The following CWC27 variants were observed in gnomAD, a reference collection of about 807,000 sequenced individuals.
The protein encoded by CWC27 is CWC27 spliceosome associated cyclophilin.
In CWC27, 47 loss-of-function variants were observed where a neutral mutation model predicts 63.6. The ratio of observed to expected loss-of-function variants is 0.74; its 90% confidence interval spans 0.58 to 0.94. CWC27 has a LOEUF of 0.94. Ranked by LOEUF, CWC27 falls within the 40% of genes least tolerant of loss-of-function variation. CWC27 has a pLI of 0.00. For synonymous variants in CWC27, 175 were observed against 179.8 expected (o/e 0.97, Z 0.22); for missense variants, 495 against 554.3 (o/e 0.89, Z 1.07).
chr5:64,770,932 C>A (rs1743230578), intron 1 of CWC27, among the ~76,000 whole-genome samples: 1 of 152,112 alleles, frequency 6.6e-6, no homozygotes, highest in Non-Finnish European at 1.5e-5. Context: ...AATGATTGAG[C>A]AAATCAATTG....
intron 10 of CWC27, among the ~76,000 whole-genome samples, chr5:64,812,506 TG>T (rs1219737350): frequency 6.6e-6 from 1 of 152,262 alleles, no homozygotes; most frequent in East Asian, 1.9e-4. Flanking sequence ...AATTTGCAGT[TG>T]TTTTTTTGCT....
intron 10 of CWC27, among the ~76,000 whole-genome samples, chr5:64,881,062 G>T (rs1333681301): frequency 6.6e-6 from 1 of 151,684 alleles, no homozygotes; most frequent in Non-Finnish European, 1.5e-5. Flanking sequence ...TGTAAGATTG[G>T]GAATCCTAAA....
chr5:64,783,642 G>A (rs1279323823), intron 3 of CWC27, among the ~76,000 whole-genome samples, 194 bp from the exon 4 acceptor site: 1 of 152,154 alleles, frequency 6.6e-6, no homozygotes, highest in Admixed American at 6.5e-5. Flanking sequence ...TTCTGTCTGA[G>A]TATATTTAGA....
intron 11 of CWC27, among the ~76,000 whole-genome samples, chr5:64,905,200 C>CAAAAAAAAAAAAAAAAAA (rs71608574): frequency 9.0e-5 from 5 of 55,558 alleles, no homozygotes; most frequent in African/African-American, 2.7e-4. Context: ...CACTACATCT[C>CAAAAAAAAAAAAAAAAAA]AAAAAAAAAA....
chr5:64,909,744 G>A (rs972270350), intron 11 of CWC27, among the ~76,000 whole-genome samples: 2 of 152,114 alleles, frequency 1.3e-5, no homozygotes, highest in African/African-American at 4.8e-5. Flanking sequence ...TGAGGTTTGT[G>A]CATGTGTCAC....
chr5:64,801,414 T>C lies in CWC27; in HGVS notation c.780+82T>C, dbSNP rs1744482255. On this transcript the variant is annotated intron_variant, in intron 9 of 13. Coordinates refer to ENST00000381070, the MANE Select transcript of CWC27 (RefSeq NM_005869.4). ...TTTTACAAAAACTTAATTTTGTTCT[T>C]AAAAAGTAACGTATATTACTTTTAT... 6 of 1,104,364 alleles carry C rather than the reference T, an allele frequency of 5.4e-6. No individual in the cohort carries two copies. The South Asian group carries it at 1.2e-4, about 22-fold the overall frequency. 68.4% of individuals were successfully genotyped at this position (1,104,364 alleles called of 1,614,324 possible). A position where few individuals can be genotyped will look rare whatever the true frequency, so the allele number is the denominator to read the frequency against.
chr5:64,946,489 T>G (rs909837585), intron 11 of CWC27, among the ~76,000 whole-genome samples: 1 of 152,178 alleles, frequency 6.6e-6, no homozygotes, highest in African/African-American at 2.4e-5. Context: ...AAAATAGATG[T>G]GCATATTCAC....
At chr5:65,008,588 T>C (rs1749891178) in intron 13 of CWC27, among the ~76,000 whole-genome samples, 1 of 152,160 alleles carries the variant, frequency 6.6e-6, no homozygotes, top group South Asian at 2.1e-4. Context: ...AAAATATAGG[T>C]GGATATTTAC....
intron 11 of CWC27, among the ~76,000 whole-genome samples, chr5:64,896,652 C>A (rs1367470862): frequency 2.1e-5 from 3 of 144,442 alleles, no homozygotes; most frequent in Admixed American, 6.9e-5. Context: ...ACTTCCAAAC[C>A]AGTAGAGAAA....
In CWC27 at chr5:64,876,041, A is replaced by G. The variant is rs150754587; in HGVS notation, c.939-9402A>G. Among the ~76,000 whole-genome samples, 427 of 152,250 alleles carry G rather than the reference A, an allele frequency of 2.8e-3. 5 individuals are homozygous for G. Among genetic ancestry groups the G allele is most frequent in the African/African-American group, 9.7e-3 (404 of 41,570 alleles). ...GGTTAACTTAGTTGTCCAATGCGGT[A>G]CTGCTAGTAATAGGTAGAACAGAGC... On this transcript the variant is annotated intron_variant, in intron 10 of 13. Coordinates refer to ENST00000381070, the MANE Select transcript of CWC27 (RefSeq NM_005869.4).
rs761263550 is a variant in CWC27, at chr5:65,018,349, C to G, written c.*28C>G. 1 of 1,562,368 alleles carries G rather than the reference C, an allele frequency of 6.4e-7. No homozygotes were observed. The highest frequency in any genetic ancestry group is 8.6e-7 in the Non-Finnish European group (1 of 1,158,040). ...TGAGAATAATGATAACCAGAACTTG[C>G]TGGAAATGTGCCTACAATGGCCTTG... On this transcript the variant is annotated 3_prime_UTR_variant, in exon 14 of 14. Transcript: ENST00000381070.
chr5:64,809,456 C>T (rs959100894), intron 10 of CWC27, among the ~76,000 whole-genome samples: 15 of 152,206 alleles, frequency 9.9e-5, no homozygotes, highest in Non-Finnish European at 2.9e-5. Flanking sequence ...CAACCTCTGC[C>T]TCATGGGTTC....
chr5:64,878,343 T>C (rs1239871878), intron 10 of CWC27, among the ~76,000 whole-genome samples: 1 of 151,524 alleles, frequency 6.6e-6, no homozygotes, highest in African/African-American at 2.4e-5. Flanking sequence ...ATCATTAATT[T>C]TCACAGTTTT....
chr5:64,991,904 AG>A lies in CWC27; in HGVS notation c.1256+14669del, dbSNP rs1326795635. Among the ~76,000 whole-genome samples the A allele has an allele frequency of 2.0e-5, 3 of 152,278 alleles. No individual in the cohort carries two copies. The East Asian group carries it at 5.8e-4, about 29-fold the overall frequency. On this transcript the variant is annotated intron_variant, in intron 13 of 13. Transcript: ENST00000381070. ...TCATTTATTTTAAAACCACTTGTTA[AG>A]GGTATTTGGGCCAATTATCAGTTAG...
intron 11 of CWC27, among the ~76,000 whole-genome samples, chr5:64,944,176 C>T (rs560126770): frequency 2.6e-5 from 4 of 151,444 alleles, no homozygotes; most frequent in Admixed American, 2.6e-4. Flanking sequence ...GCAGTAATTT[C>T]TTCATTAAAA....
At chr5:64,804,439 T>G in intron 10 of CWC27, 53 bp downstream of exon 10, 2 of 1,473,204 alleles carry the variant, frequency 1.4e-6, no homozygotes, top group South Asian at 1.4e-5. Context: ...TATATTTCAC[T>G]TTAATTCAGA....
rs932303733 is a variant in CWC27 at position 65,015,247 on chromosome 5, G to A, written c.1257-2912G>A. 2.6e-5 allele frequency among the ~76,000 whole-genome samples: 4 copies of A among 152,238 alleles called. No individual in the cohort carries two copies. In the South Asian group the frequency reaches 8.3e-4, roughly 32 times the overall value. ...TTTATATTCTTAATTGACAAATTCT[G>A]ATCAAGTCATTTTTGAAACATGGAG... On this transcript the variant is annotated intron_variant, in intron 13 of 13. Transcript: ENST00000381070.
intron 11 of CWC27, among the ~76,000 whole-genome samples, chr5:64,946,544 G>A (rs1363257370): frequency 1.3e-5 from 2 of 152,120 alleles, no homozygotes; most frequent in African/African-American, 4.8e-5. Context: ...TCACTGTTCA[G>A]TGACAAAAAG....
chr5:64,873,657 GC>G (rs1443508784), intron 10 of CWC27, among the ~76,000 whole-genome samples: 1 of 151,932 alleles, frequency 6.6e-6, no homozygotes, highest in Non-Finnish European at 1.5e-5. Flanking sequence ...TATTTCCTTT[GC>G]TTTGCAGAAG....
Sources: gnomAD v4.1 joint callset for allele counts (sites outside exome capture counted in the v4.1 genomes callset) on GRCh38, gnomAD v4.1.1 for gene constraint, MANE v1.5 for transcripts, NCBI Gene and HGNC (gene_info 2026-07-23, HGNC 2026-07-21) for gene names.